RASEF: variants seen among roughly 807,000 people sequenced by gnomAD.
RASEF encodes ras and EF-hand domain-containing protein.
RASEF carries 68 observed loss-of-function variants against 90.1 expected under a neutral mutation model. That is an observed-to-expected ratio of 0.75 (90% CI 0.62 to 0.92). RASEF has a LOEUF of 0.92. Ranked by LOEUF, RASEF falls within the 40% of genes least tolerant of loss-of-function variation. The probability of loss-of-function intolerance (pLI) is 0.00; values close to 1 mark genes in which losing one functional copy is unlikely to be tolerated. For missense variants in RASEF, 949 were observed against 937.2 expected (o/e 1.01, Z -0.16); for synonymous variants, 331 against 345.2 (o/e 0.96, Z 0.46).
chr9:83,091,171 T>G, the RASEF span, among the ~76,000 whole-genome samples: 1 of 152,326 alleles, frequency 6.6e-6, no homozygotes, highest in East Asian at 1.9e-4. Context: ...GTTTGGTTTT[T>G]TCTCAGGTAT....
Position 82,982,593 on chromosome 9 carries a change from G to T in RASEF, c.*84C>A. 1 of 792,806 alleles carries T rather than the reference G, an allele frequency of 1.3e-6. No individual in the cohort carries two copies. 49.1% of individuals were successfully genotyped at this position (792,806 alleles called of 1,614,324 possible). On this transcript the variant is annotated 3_prime_UTR_variant, in exon 17 of 17. Transcript: ENST00000376447. ...CTCCATAGGACAGTGTCAGTAGGAT[G>T]TGCCACTCTGTTAAGAGCCAAATAA...
At chr9:83,121,705 G>A in the RASEF span, among the ~76,000 whole-genome samples, 4,318 of 152,198 alleles carry the variant, frequency 0.028, 207 homozygotes, top group African/African-American at 0.099. Context: ...TGGCACTCTT[G>A]GTTGTGAACT....
At chr9:83,192,408 A>G in the RASEF span, among the ~76,000 whole-genome samples, 1 of 152,212 alleles carries the variant, frequency 6.6e-6, no homozygotes, top group Non-Finnish European at 1.5e-5. Flanking sequence ...CTTTGCAAGA[A>G]CATGGATGCA....
intron 6 of RASEF, among the ~76,000 whole-genome samples, chr9:83,008,357 A>ATT (rs918473383): frequency 6.6e-6 from 1 of 150,580 alleles, no homozygotes. Flanking sequence ...AAACTTTTTA[A>ATT]TTTTTTTTTT....
At chr9:83,009,867 C>G (rs745811759) in intron 5 of RASEF, 111 bp from the exon 6 acceptor site, 3 of 574,480 alleles carry the variant, frequency 5.2e-6, no homozygotes, top group Non-Finnish European at 9.4e-6. Context: ...TTCCACAACT[C>G]TTCAAAATCT....
At chr9:83,089,878 A>G in the RASEF span, among the ~76,000 whole-genome samples, 1 of 150,062 alleles carries the variant, frequency 6.7e-6, no homozygotes, top group African/African-American at 2.5e-5. Context: ...TCCTTCTGGG[A>G]CTTTATAGAT....
At position 82,981,962 on chromosome 9, in the gene RASEF, G is replaced by C. The variant is rs1828612035; in HGVS notation, c.*715C>G. 1 of 152,112 alleles carries C rather than the reference G, an allele frequency of 6.6e-6. No homozygotes were observed. Among genetic ancestry groups the C allele is most frequent in the Non-Finnish European group, 1.5e-5 (1 of 68,010 alleles). The allele number at this position is 152,112 out of a possible 1,614,324, so 9.4% of individuals were successfully genotyped here. ...ATACAACTATTTTTGTCTCAAACAT[G>C]TTTCTTTATACATAAAAAATAGATA... On this transcript the variant is annotated 3_prime_UTR_variant, in exon 17 of 17. Coordinates refer to ENST00000376447, the MANE Select transcript of RASEF (RefSeq NM_152573.4).
the RASEF span, among the ~76,000 whole-genome samples, chr9:83,087,405 T>TTCTCTCTCTCTCTCTCTCTCTCTC: frequency 3.3e-3 from 385 of 115,560 alleles, 21 homozygotes; most frequent in Non-Finnish European, 3.9e-3. Context: ...TTCTCATTCA[T>TTCTCTCTCTCTCTCTCTCTCTCTC]TCTCTCTCTC....
At chr9:83,153,196 A>G in the RASEF span, among the ~76,000 whole-genome samples, 1 of 152,164 alleles carries the variant, frequency 6.6e-6, no homozygotes, top group Non-Finnish European at 1.5e-5. Flanking sequence ...CATTATTAAC[A>G]TCACCACTTC....
intron 1 of RASEF, among the ~76,000 whole-genome samples, chr9:83,047,228 G>A (rs570651502): frequency 6.6e-5 from 10 of 151,758 alleles, no homozygotes; most frequent in Admixed American, 1.3e-4. Context: ...AACATTTAAG[G>A]AACAAAGCTT....
chr9:83,164,373 A>ATATATATATATATATATATGTG, the RASEF span, among the ~76,000 whole-genome samples: 1 of 141,976 alleles, frequency 7.0e-6, no homozygotes, highest in Non-Finnish European at 1.5e-5. Flanking sequence ...ATATATATAT[A>ATATATATATATATATATATGTG]TGTGTGTGTG....
the RASEF span, among the ~76,000 whole-genome samples, chr9:83,070,768 ATC>A: frequency 2.0e-5 from 3 of 152,134 alleles, no homozygotes; most frequent in Non-Finnish European, 4.4e-5. Context: ...ATGAGATTAT[ATC>A]TCTCTGTTTA....
At chr9:83,187,511 C>T in the RASEF span, among the ~76,000 whole-genome samples, 1 of 151,920 alleles carries the variant, frequency 6.6e-6, no homozygotes, top group African/African-American at 2.4e-5. Context: ...CTAAGGATGG[C>T]AAAACAAAAA....
the RASEF span, among the ~76,000 whole-genome samples, chr9:83,208,113 C>G: frequency 0.011 from 1,615 of 152,272 alleles, 24 homozygotes; most frequent in African/African-American, 0.035. Flanking sequence ...GGGGGCTGTA[C>G]GTTGACCTTC....
the RASEF span, among the ~76,000 whole-genome samples, chr9:83,214,253 G>T: frequency 6.6e-6 from 1 of 152,150 alleles, no homozygotes; most frequent in African/African-American, 2.4e-5. Flanking sequence ...GCATGTTGGT[G>T]TGCATCTGTA....
chr9:83,078,054 G>C, the RASEF span, among the ~76,000 whole-genome samples: 1 of 152,150 alleles, frequency 6.6e-6, no homozygotes, highest in Admixed American at 6.6e-5. Flanking sequence ...ATAGTTCCTG[G>C]GGCAGCAGCA....
chr9:83,011,165 T>G (rs113247894), intron 5 of RASEF, among the ~76,000 whole-genome samples: 2,603 of 152,120 alleles, frequency 0.017, 35 homozygotes, highest in Non-Finnish European at 0.027. Flanking sequence ...CCCAAAAAAT[T>G]GTAATATGCA....
At chr9:83,123,530 G>A in the RASEF span, among the ~76,000 whole-genome samples, 2 of 150,190 alleles carry the variant, frequency 1.3e-5, no homozygotes, top group South Asian at 4.2e-4. Flanking sequence ...TTCAGAAACA[G>A]CAAAAGATAC....
At chr9:83,214,781 A>C in the RASEF span, among the ~76,000 whole-genome samples, 1 of 151,986 alleles carries the variant, frequency 6.6e-6, no homozygotes, top group Non-Finnish European at 1.5e-5. Flanking sequence ...TTCCACCATG[A>C]TTGTGAGGCC....
Sources: allele counts gnomAD v4.1 joint callset (sites outside exome capture counted in the v4.1 genomes callset), GRCh38; gene constraint gnomAD v4.1.1; transcripts MANE v1.5; gene names NCBI Gene and HGNC (gene_info 2026-07-23, HGNC 2026-07-21).